EFCAB5: variants seen among roughly 807,000 people sequenced by gnomAD.
EFCAB5 encodes the protein EF-hand calcium-binding domain-containing protein 5.
A neutral mutation model predicts 167.9 loss-of-function variants in EFCAB5; 131 were observed. The observed-to-expected ratio is 0.78, with a 90% CI of 0.68 to 0.90. The LOEUF (loss-of-function observed/expected upper bound fraction) is 0.90, where lower values mean the gene tolerates loss of function less well. Ranked by LOEUF, EFCAB5 falls within the 40% of genes least tolerant of loss-of-function variation. The pLI, the probability that EFCAB5 is intolerant of heterozygous loss-of-function variation, is 0.00. For synonymous variants in EFCAB5, 574 were observed against 602.8 expected, an observed-to-expected ratio of 0.95 and a Z score of 0.70; for missense variants, 1,663 against 1,745.2, an observed-to-expected ratio of 0.95 and a Z score of 0.84.
chr17:30,015,759 C>CTTTTTTT (rs71138866), intron 7 of EFCAB5, among the ~76,000 whole-genome samples: 1 of 130,566 alleles, frequency 7.7e-6, no homozygotes. Context: ...TTGGTTATTT[C>CTTTTTTT]TTTTTTTTTT....
chr17:30,069,300 A>G, intron 14 of EFCAB5: 1 of 1,495,612 alleles, frequency 6.7e-7, no homozygotes. Flanking sequence ...AAAGGTGAAG[A>G]TGAGTTATCC....
At position 30,078,291 on chromosome 17, in the gene EFCAB5, C is replaced by T. The variant is rs377376955; in HGVS notation, c.2814C>T (p.Tyr938=). ...TGTCTTCAAAACAATTTCAGAATTA[C>T]ATAGAATTGGTTGTGTCTGAACTCA... is the stretch of plus-strand genomic sequence containing the variant. ...VRLSSKQFQN[Y]IELVVSELRG... The change falls in exon 15 of 23, where the codon TAC becomes TAT. Residue 938 remains tyrosine (Y), a synonymous_variant. Coordinates refer to ENST00000394835, the MANE Select transcript of EFCAB5 (RefSeq NM_198529.4). 2.9e-5 allele frequency: 47 copies of T among 1,613,846 alleles called. No homozygotes were observed. Among genetic ancestry groups the T allele is most frequent in the Non-Finnish European group, 3.6e-5 (42 of 1,179,892 alleles).
chr17:30,045,821 G>A (rs2069911262), intron 8 of EFCAB5, among the ~76,000 whole-genome samples: 1 of 151,690 alleles, frequency 6.6e-6, no homozygotes, highest in African/African-American at 2.4e-5. Flanking sequence ...GCAACATAGT[G>A]AGACCTGGTC....
At chr17:30,105,736 C>A (rs1005711770) in intron 22 of EFCAB5, among the ~76,000 whole-genome samples, 17 of 151,958 alleles carry the variant, frequency 1.1e-4, no homozygotes, top group African/African-American at 4.1e-4. Flanking sequence ...ATTCATTATT[C>A]CTTAATTTAA....
intron 1 of EFCAB5, among the ~76,000 whole-genome samples, chr17:29,935,547 A>G (rs1332537288): frequency 6.6e-6 from 1 of 152,156 alleles, no homozygotes; most frequent in Non-Finnish European, 1.5e-5. Context: ...TGACAGAGCA[A>G]GACCTTGTCT....
At position 29,933,980 on chromosome 17, in the gene EFCAB5, C is replaced by A. The variant is rs548411700; in HGVS notation, c.-127+4651C>A. On this transcript the variant is annotated intron_variant, in intron 1 of 3. Transcript: ENST00000448319. ...TGGGGCTTGGTGAAAAAAATTGTTT[C>A]TTTATATTACTTACTTTTAATGACA... Among the ~76,000 whole-genome samples, 79 of 152,212 alleles carry A rather than the reference C, an allele frequency of 5.2e-4. No individual in the cohort carries two copies. The South Asian group carries it at 0.014, about 26-fold the overall frequency.
chr17:29,961,214 A>G (rs2067714034), intron 3 of EFCAB5, among the ~76,000 whole-genome samples: 1 of 152,208 alleles, frequency 6.6e-6, no homozygotes, highest in Non-Finnish European at 1.5e-5. Flanking sequence ...ATAACTCATA[A>G]TGTTGAACAT....
intron 14 of EFCAB5, among the ~76,000 whole-genome samples, chr17:30,064,993 A>G (rs922956812): frequency 1.3e-5 from 2 of 152,250 alleles, no homozygotes; most frequent in African/African-American, 4.8e-5. Flanking sequence ...AGAGAACAAT[A>G]AAGTCTTTCA....
At chr17:30,081,113 C>G in intron 17 of EFCAB5, 132 bp downstream of exon 17, 1 of 701,382 alleles carries the variant, frequency 1.4e-6, no homozygotes, top group Non-Finnish European at 2.3e-6. Flanking sequence ...TGCTCCTGTT[C>G]CCTGAATGTA....
At chr17:29,953,986 T>A (rs2067562437) in intron 3 of EFCAB5, among the ~76,000 whole-genome samples, 1 of 152,232 alleles carries the variant, frequency 6.6e-6, no homozygotes, top group Non-Finnish European at 1.5e-5. Flanking sequence ...ATTTTGCCCC[T>A]GCCCTAGAGA....
chr17:30,075,721 C>T (rs1467470197), intron 14 of EFCAB5, among the ~76,000 whole-genome samples: 2 of 152,216 alleles, frequency 1.3e-5, no homozygotes, highest in African/African-American at 4.8e-5. Context: ...ATACCCTCCT[C>T]GCTCTGCTCA....
At chr17:29,971,232 C>A (rs534549554) in intron 4 of EFCAB5, among the ~76,000 whole-genome samples, 1 of 152,182 alleles carries the variant, frequency 6.6e-6, no homozygotes, top group South Asian at 2.1e-4. Context: ...CTACTAATTT[C>A]TATATATTTT....
upstream of EFCAB5, among the ~76,000 whole-genome samples, chr17:29,937,948 A>C (rs2067259703): frequency 6.6e-6 from 1 of 152,172 alleles, no homozygotes; most frequent in South Asian, 2.1e-4. Context: ...CATTTTAGGA[A>C]ATGGCCATCA....
intron 22 of EFCAB5, among the ~76,000 whole-genome samples, chr17:30,098,326 A>G (rs1438011751): frequency 1.3e-5 from 2 of 151,478 alleles, no homozygotes; most frequent in Non-Finnish European, 2.9e-5. Flanking sequence ...GGAGTTCAAG[A>G]GCAGCCTGGG....
chr17:29,985,735 G>A (rs1176151392), intron 4 of EFCAB5, among the ~76,000 whole-genome samples: 2 of 152,198 alleles, frequency 1.3e-5, no homozygotes, highest in Non-Finnish European at 2.9e-5. Flanking sequence ...TTTCCACCCT[G>A]AGTGAGCCAG....
At chr17:30,007,820 G>C (rs1395449726) in intron 7 of EFCAB5, among the ~76,000 whole-genome samples, 1 of 151,954 alleles carries the variant, frequency 6.6e-6, no homozygotes, top group Non-Finnish European at 1.5e-5. Flanking sequence ...GACCCTGTCT[G>C]TACAAAAAAT....
In EFCAB5 at chr17:29,999,857, A is replaced by G. The variant is rs760126508; in HGVS notation, c.974-49A>G. On this transcript the variant is annotated intron_variant, in intron 6 of 22. Coordinates refer to ENST00000394835, the MANE Select transcript of EFCAB5 (RefSeq NM_198529.4). ...AAGCACTATAGTATAAATATCAAATATATATTACAACCTAACTAACTAGCA... is the reference window on the plus strand; with the variant it reads ...AAGCACTATAGTATAAATATCAAATGTATATTACAACCTAACTAACTAGCA... The G allele has an allele frequency of 1.7e-5, 23 of 1,333,026 alleles. No individual in the cohort carries two copies. The African/African-American group carries it at 3.4e-4, about 20-fold the overall frequency. The allele number at this position is 1,333,026 out of a possible 1,614,324, so 82.6% of individuals were successfully genotyped here.
intron 4 of EFCAB5, among the ~76,000 whole-genome samples, chr17:29,970,936 G>A (rs759941881): frequency 2.6e-5 from 4 of 151,928 alleles, no homozygotes; most frequent in Admixed American, 6.6e-5. Context: ...TTAGCCCAGC[G>A]TGGTGATGCA....
intron 19 of EFCAB5, among the ~76,000 whole-genome samples, chr17:30,087,541 G>A (rs367958109): frequency 6.6e-6 from 1 of 152,176 alleles, no homozygotes; most frequent in East Asian, 1.9e-4. Flanking sequence ...AACATGTGGT[G>A]TTTGGTTTTC....
Sources: gnomAD v4.1 joint callset for allele counts (sites outside exome capture counted in the v4.1 genomes callset) on GRCh38, gnomAD v4.1.1 for gene constraint, MANE v1.5 for transcripts, NCBI Gene and HGNC (gene_info 2026-07-23, HGNC 2026-07-21) for gene names.